Variants in PKHD1 observed in about 807,000 individuals in gnomAD.
The protein encoded by PKHD1 is fibrocystin.
In PKHD1, 291 loss-of-function variants were observed where a neutral mutation model predicts 412.0. The observed-to-expected ratio is 0.71, with a 90% CI of 0.64 to 0.78. PKHD1 has a LOEUF of 0.78. Among genes scored for constraint, PKHD1 ranks in the 30% least tolerant of loss-of-function variants. The probability of loss-of-function intolerance (pLI) is 0.00; values close to 1 mark genes in which losing one functional copy is unlikely to be tolerated. For synonymous variants in PKHD1, 1,777 were observed against 1,821.5 expected, an observed-to-expected ratio of 0.98 and a Z score of 0.62; for missense variants, 4,825 against 4,950.7, an observed-to-expected ratio of 0.97 and a Z score of 0.76.
At chr6:51,887,104 A>G in intron 44 of PKHD1, 29 bp downstream of exon 44, 1 of 1,381,246 alleles carries the variant, frequency 7.2e-7, no homozygotes, top group Non-Finnish European at 1.0e-6. Flanking sequence ...TAAGACAGCC[A>G]AAACATAGAT....
intron 59 of PKHD1, among the ~76,000 whole-genome samples, chr6:51,745,790 G>C (rs1296521333): frequency 6.6e-6 from 1 of 152,146 alleles, no homozygotes; most frequent in Admixed American, 6.6e-5. Context: ...ACTAAGACAT[G>C]TAACTTAACA....
At chr6:51,660,788 C>T (rs555011189) in intron 60 of PKHD1, among the ~76,000 whole-genome samples, 3 of 152,258 alleles carry the variant, frequency 2.0e-5, no homozygotes, top group African/African-American at 4.8e-5. Context: ...CACTTCCATG[C>T]GTTCAGCCAC....
At chr6:51,883,009 TG>T in intron 46 of PKHD1, 83 bp downstream of exon 46, 1 of 1,005,718 alleles carries the variant, frequency 9.9e-7, no homozygotes, top group South Asian at 1.3e-5. Flanking sequence ...CTATTAAAAT[TG>T]CATATCCTGG....
At chr6:51,932,777 C>G (rs1264212941) in intron 37 of PKHD1, among the ~76,000 whole-genome samples, 1 of 152,166 alleles carries the variant, frequency 6.6e-6, no homozygotes, top group African/African-American at 2.4e-5. Context: ...TCCCCAGTGT[C>G]TAGCACACTG....
chr6:51,755,997 A>T (rs1328595320), intron 55 of PKHD1, among the ~76,000 whole-genome samples: 1 of 152,172 alleles, frequency 6.6e-6, no homozygotes, highest in African/African-American at 2.4e-5. Context: ...AGTACATATT[A>T]ATAATACAGA....
At chr6:51,894,474 T>C (rs951596747) in intron 43 of PKHD1, among the ~76,000 whole-genome samples, 1 of 152,198 alleles carries the variant, frequency 6.6e-6, no homozygotes, top group Non-Finnish European at 1.5e-5. Flanking sequence ...TATTTGAAAT[T>C]TACTTGCATC....
chr6:52,061,377 G>A (rs1457208892), intron 14 of PKHD1, among the ~76,000 whole-genome samples: 1 of 151,996 alleles, frequency 6.6e-6, no homozygotes, highest in African/African-American at 2.4e-5. Context: ...TTTAGAGACA[G>A]GGCCTAGTCC....
At chr6:51,985,811 T>G (rs965494004) in intron 35 of PKHD1, among the ~76,000 whole-genome samples, 1 of 152,252 alleles carries the variant, frequency 6.6e-6, no homozygotes, top group Non-Finnish European at 1.5e-5. Flanking sequence ...GTTTCTTTTT[T>G]ACTGATACAT....
At chr6:51,650,912 T>C (rs1320845378) in intron 61 of PKHD1, among the ~76,000 whole-genome samples, 4 of 152,146 alleles carry the variant, frequency 2.6e-5, no homozygotes, top group Non-Finnish European at 4.4e-5. Context: ...TCCATGCTAT[T>C]AATTCTATCC....
At chr6:51,694,548 CT>C (rs67157925) in intron 60 of PKHD1, among the ~76,000 whole-genome samples, 57 of 37,698 alleles carry the variant, frequency 1.5e-3, no homozygotes, top group African/African-American at 2.9e-3. Context: ...CACAACCAGC[CT>C]TTTTTTTTTT....
chr6:51,931,890 G>GGA (rs1165939277), intron 37 of PKHD1, among the ~76,000 whole-genome samples: 2 of 149,998 alleles, frequency 1.3e-5, no homozygotes, highest in African/African-American at 2.4e-5. Flanking sequence ...AGGAAAAAGG[G>GGA]GAGAGAGAGA....
At chr6:51,632,853 A>T (rs746148623) in intron 64 of PKHD1, 130 bp from the exon 65 acceptor site, 2 of 554,738 alleles carry the variant, frequency 3.6e-6, no homozygotes. Context: ...TATTCATTAA[A>T]TTTAATAAAT....
rs575586751 is a variant in PKHD1, at chr6:51,660,717, G to C, written c.10157-748C>G. Among the ~76,000 whole-genome samples the C allele has an allele frequency of 2.6e-5, 4 of 152,234 alleles. No individual in the cohort carries two copies. The South Asian group carries it at 6.2e-4, about 24-fold the overall frequency. On this transcript the variant is annotated intron_variant, in intron 60 of 66. Coordinates refer to ENST00000371117, the MANE Select transcript of PKHD1 (RefSeq NM_138694.4). ...AACAGACAGATGGAAGAGACGCATA[G>C]GACAAGGCATGTGGGAAGGGCATGG...
At chr6:51,913,666 T>C (rs1032397403) in intron 37 of PKHD1, among the ~76,000 whole-genome samples, 1 of 152,152 alleles carries the variant, frequency 6.6e-6, no homozygotes, top group African/African-American at 2.4e-5. Context: ...AATACTTGAA[T>C]CTCTAACTAC....
At chr6:51,864,701 A>T (rs910878682) in intron 48 of PKHD1, among the ~76,000 whole-genome samples, 4 of 152,158 alleles carry the variant, frequency 2.6e-5, no homozygotes, top group Non-Finnish European at 5.9e-5. Context: ...AAACAAGTTA[A>T]ATTAATTTTA....
chr6:52,068,290 C>T (rs1810057194), intron 11 of PKHD1, among the ~76,000 whole-genome samples: 1 of 152,198 alleles, frequency 6.6e-6, no homozygotes, highest in Non-Finnish European at 1.5e-5. Flanking sequence ...TTCCTACAGC[C>T]TGCTCTGCTG....
At chr6:51,726,532 T>G (rs1352096718) in intron 60 of PKHD1, among the ~76,000 whole-genome samples, 1 of 152,192 alleles carries the variant, frequency 6.6e-6, no homozygotes, top group East Asian at 1.9e-4. Flanking sequence ...TGAACTGACC[T>G]CTGTTCCCTC....
chr6:52,015,682 G>T (rs879256388), intron 34 of PKHD1, among the ~76,000 whole-genome samples: 2 of 151,908 alleles, frequency 1.3e-5, no homozygotes, highest in African/African-American at 2.4e-5. Context: ...AAATTAGCCG[G>T]GCGTGGTGGT....
chr6:52,058,771 CTCTATCTATCTATCTA>C (rs56342114), intron 15 of PKHD1, among the ~76,000 whole-genome samples, 170 bp from the exon 16 acceptor site: 6 of 149,190 alleles, frequency 4.0e-5, no homozygotes, highest in Admixed American at 6.7e-5. Context: ...TTCTCCAGCT[CTCTATCTATCTATCTA>C]TCTATCTATC....
Sources: allele counts gnomAD v4.1 joint callset (sites outside exome capture counted in the v4.1 genomes callset), GRCh38; gene constraint gnomAD v4.1.1; transcripts MANE v1.5; gene names NCBI Gene and HGNC (gene_info 2026-07-23, HGNC 2026-07-21).